MACROD2: variants seen among roughly 807,000 people sequenced by gnomAD.
MACROD2 encodes the protein mono-ADP ribosylhydrolase 2, also known as ADP-ribose glycohydrolase MACROD2.
In MACROD2, 36 loss-of-function variants were observed where a neutral mutation model predicts 70.4. That is an observed-to-expected ratio of 0.51 (90% CI 0.39 to 0.68). The LOEUF is 0.68. Among genes scored for constraint, MACROD2 ranks in the 30% least tolerant of loss-of-function variants. MACROD2 has a pLI of 0.00. For synonymous variants in MACROD2, 172 were observed against 178.8 expected (o/e 0.96, Z 0.30); for missense variants, 496 against 538.4 (o/e 0.92, Z 0.78).
chr20:14,820,831 A>G (rs139863761), intron 5 of MACROD2, among the ~76,000 whole-genome samples: 1 of 152,076 alleles, frequency 6.6e-6, no homozygotes, highest in Non-Finnish European at 1.5e-5. Flanking sequence ...CATCTGGTTA[A>G]GCTGCCGTGA....
intron 5 of MACROD2, among the ~76,000 whole-genome samples, chr20:15,176,763 A>G (rs1353335606): frequency 6.6e-6 from 1 of 152,198 alleles, no homozygotes; most frequent in African/African-American, 2.4e-5. Flanking sequence ...CAGGGCTGAA[A>G]CATGCTCCCC....
chr20:14,130,801 A>T (rs2054707189), intron 3 of MACROD2, among the ~76,000 whole-genome samples: 1 of 152,168 alleles, frequency 6.6e-6, no homozygotes, highest in South Asian at 2.1e-4. Flanking sequence ...TTTTTTGGAG[A>T]TAAATTATGA....
At chr20:15,482,831 T>A (rs1182841272) in intron 7 of MACROD2, among the ~76,000 whole-genome samples, 1 of 152,182 alleles carries the variant, frequency 6.6e-6, no homozygotes, top group African/African-American at 2.4e-5. Context: ...ATGTTGAGCA[T>A]CTTTACATAT....
chr20:14,100,551 C>G (rs1266051568), intron 3 of MACROD2, among the ~76,000 whole-genome samples: 1 of 146,232 alleles, frequency 6.8e-6, no homozygotes, highest in Non-Finnish European at 1.5e-5. Flanking sequence ...CCAGAAATAA[C>G]CACTATTAAT....
intron 3 of MACROD2, among the ~76,000 whole-genome samples, chr20:14,182,719 A>G (rs1473793781): frequency 6.6e-6 from 1 of 152,128 alleles, no homozygotes; most frequent in Non-Finnish European, 1.5e-5. Flanking sequence ...TAAGTGTGAG[A>G]TGAAAAAGCA....
chr20:14,525,222 A>G (rs1226632422), intron 4 of MACROD2, among the ~76,000 whole-genome samples: 3 of 152,208 alleles, frequency 2.0e-5, no homozygotes, highest in African/African-American at 7.2e-5. Flanking sequence ...CCATACAAAA[A>G]TCTGAGCTTA....
At chr20:15,903,052 C>G (rs890906138) in intron 10 of MACROD2, among the ~76,000 whole-genome samples, 3 of 152,170 alleles carry the variant, frequency 2.0e-5, no homozygotes, top group African/African-American at 7.2e-5. Flanking sequence ...AGCCAGGCAG[C>G]TCTCTGGGAA....
At chr20:14,602,379 G>A (rs1568693145) in intron 4 of MACROD2, among the ~76,000 whole-genome samples, 1 of 152,166 alleles carries the variant, frequency 6.6e-6, no homozygotes. Flanking sequence ...TTCACCGTGG[G>A]CATGTTTAGT....
chr20:15,490,012 C>G (rs1206971851), intron 7 of MACROD2, among the ~76,000 whole-genome samples: 1 of 152,130 alleles, frequency 6.6e-6, no homozygotes, highest in African/African-American at 2.4e-5. Context: ...CCATGCCCAC[C>G]ACAGCATATC....
At chr20:15,738,431 G>A (rs1462520588) in intron 8 of MACROD2, among the ~76,000 whole-genome samples, 3 of 152,156 alleles carry the variant, frequency 2.0e-5, no homozygotes, top group Non-Finnish European at 4.4e-5. Context: ...AATTAAGGAA[G>A]AGGACACGTT....
At chr20:14,951,604 G>T (rs1239027993) in intron 5 of MACROD2, among the ~76,000 whole-genome samples, 1 of 152,058 alleles carries the variant, frequency 6.6e-6, no homozygotes, top group Non-Finnish European at 1.5e-5. Flanking sequence ...GACTCCGAGG[G>T]CATCACTGGC....
chr20:14,799,584 C>T lies in MACROD2; in HGVS notation c.418+114625C>T, dbSNP rs1050151718. On this transcript the variant is annotated intron_variant, in intron 5 of 17. Coordinates refer to ENST00000684519, the MANE Select transcript of MACROD2 (RefSeq NM_001351661.2). ...AAGGCAAAAATAGGCATGGCATTGC[C>T]GCTAATGTGTTTAAGTTTAAAATAA... is the stretch of plus-strand genomic sequence containing the variant. Among the ~76,000 whole-genome samples the T allele has an allele frequency of 5.9e-5, 9 of 152,052 alleles. No homozygotes were observed. In the South Asian group the frequency reaches 1.0e-3, roughly 18 times the overall value.
At chr20:15,955,679 G>A (rs2065966477) in intron 12 of MACROD2, among the ~76,000 whole-genome samples, 1 of 151,922 alleles carries the variant, frequency 6.6e-6, no homozygotes, top group Non-Finnish European at 1.5e-5. Flanking sequence ...CCACAAATGA[G>A]AACTACATAT....
At chr20:15,077,662 AT>A (rs1301523753) in intron 5 of MACROD2, among the ~76,000 whole-genome samples, 5 of 152,090 alleles carry the variant, frequency 3.3e-5, no homozygotes, top group Non-Finnish European at 7.4e-5. Flanking sequence ...GATTTGATTA[AT>A]CCTTATGCCT....
At chr20:14,462,838 T>C (rs1164055860) in intron 3 of MACROD2, among the ~76,000 whole-genome samples, 1 of 152,080 alleles carries the variant, frequency 6.6e-6, no homozygotes, top group African/African-American at 2.4e-5. Flanking sequence ...AAAGATCAGA[T>C]AGTTGTAGAT....
intron 5 of MACROD2, chr20:14,758,043 G>C (rs989984644): frequency 4.7e-5 from 31 of 658,340 alleles, no homozygotes; most frequent in Middle Eastern, 4.3e-4. Context: ...GGACATGGTC[G>C]GCCACCTCAA....
chr20:15,404,066 A>G (rs1015184693), intron 6 of MACROD2, among the ~76,000 whole-genome samples: 1 of 152,166 alleles, frequency 6.6e-6, no homozygotes, highest in African/African-American at 2.4e-5. Flanking sequence ...AAATTTACAG[A>G]GATCCAACCC....
chr20:14,637,047 A>G (rs1006909646), intron 4 of MACROD2, among the ~76,000 whole-genome samples: 2 of 152,226 alleles, frequency 1.3e-5, no homozygotes, highest in African/African-American at 4.8e-5. Context: ...ATACTCTACA[A>G]ACAAGATGGG....
At chr20:15,236,691 G>A (rs1436964317) in intron 6 of MACROD2, among the ~76,000 whole-genome samples, 2 of 152,150 alleles carry the variant, frequency 1.3e-5, no homozygotes, top group Non-Finnish European at 2.9e-5. Context: ...TCGTGATTCT[G>A]TTTCTCCACT....
Sources: gnomAD v4.1 joint callset for allele counts (sites outside exome capture counted in the v4.1 genomes callset) on GRCh38, gnomAD v4.1.1 for gene constraint, MANE v1.5 for transcripts, NCBI Gene and HGNC (gene_info 2026-07-23, HGNC 2026-07-21) for gene names.